The following SLCO1B1 variants were observed in gnomAD, a reference collection of about 807,000 sequenced individuals.
SLCO1B1 encodes the protein solute carrier organic anion transporter family member 1B1, also known as OATP-2.
In SLCO1B1, 81 loss-of-function variants were observed where a neutral mutation model predicts 70.1. That is an observed-to-expected ratio of 1.16 (90% CI 0.97 to 1.39). The LOEUF (loss-of-function observed/expected upper bound fraction) is 1.39. Ranked by LOEUF, SLCO1B1 falls within the 40% of genes most tolerant of loss-of-function variation. The probability of loss-of-function intolerance (pLI) is 0.00; values close to 1 mark genes in which losing one functional copy is unlikely to be tolerated. For synonymous variants in SLCO1B1, 283 were observed against 271.5 expected (o/e 1.04, Z -0.42); for missense variants, 895 against 799.6 (o/e 1.12, Z -1.44).
At chr12:21,215,381 T>C (rs978914626) in intron 11 of SLCO1B1, among the ~76,000 whole-genome samples, 1 of 152,238 alleles carries the variant, frequency 6.6e-6, no homozygotes, top group Non-Finnish European at 1.5e-5. Flanking sequence ...AAGAACTTTA[T>C]CATAAAAGGA....
At chr12:21,216,392 G>T (rs4149069) in intron 11 of SLCO1B1, among the ~76,000 whole-genome samples, 7 of 151,812 alleles carry the variant, frequency 4.6e-5, no homozygotes, top group Admixed American at 2.6e-4. Context: ...TCAACGTGAG[G>T]TTCCCTTAAA....
chr12:21,164,448 A>G (rs1940660388), intron 2 of SLCO1B1, among the ~76,000 whole-genome samples: 1 of 152,032 alleles, frequency 6.6e-6, no homozygotes, highest in South Asian at 2.1e-4. Context: ...GTGTGTCTGT[A>G]AGCTTGTTAT....
intron 2 of SLCO1B1, among the ~76,000 whole-genome samples, chr12:21,155,424 T>G (rs920350218): frequency 6.6e-6 from 1 of 152,146 alleles, no homozygotes; most frequent in Non-Finnish European, 1.5e-5. Context: ...TTTGCTAATA[T>G]TCTTTTCTTA....
At chr12:21,222,776 A>G (rs1446887676) in intron 13 of SLCO1B1, among the ~76,000 whole-genome samples, 1 of 152,126 alleles carries the variant, frequency 6.6e-6, no homozygotes, top group African/African-American at 2.4e-5. Flanking sequence ...AAACTGTGGC[A>G]TGATTTAGGC....
chr12:21,226,631 C>A (rs11833223), intron 14 of SLCO1B1, among the ~76,000 whole-genome samples: 12,439 of 151,946 alleles, frequency 0.082, 779 homozygotes, highest in East Asian at 0.28. Context: ...ATGTTGGATA[C>A]ATGATGTTAT....
chr12:21,238,885 T>C, intron 14 of SLCO1B1, 94 bp from the exon 15 acceptor site: 2 of 685,658 alleles, frequency 2.9e-6, no homozygotes, highest in Non-Finnish European at 5.0e-6. Context: ...ATTTATAATT[T>C]TTTTTCTTTA....
intron 2 of SLCO1B1, among the ~76,000 whole-genome samples, chr12:21,147,363 T>G (rs1229762833): frequency 6.6e-6 from 1 of 152,160 alleles, no homozygotes. Flanking sequence ...GGTAAACACA[T>G]GCCATGGTGG....
chr12:21,166,777 A>G (rs534642802), intron 2 of SLCO1B1, among the ~76,000 whole-genome samples: 8 of 152,334 alleles, frequency 5.3e-5, no homozygotes, highest in South Asian at 2.1e-4. Context: ...AAGCATTTGT[A>G]GTCCTTGGTA....
chr12:21,198,637 GAATA>G (rs150169173), intron 8 of SLCO1B1, among the ~76,000 whole-genome samples: 2,526 of 152,030 alleles, frequency 0.017, 66 homozygotes, highest in African/African-American at 0.058. Flanking sequence ...GATAAAATAA[GAATA>G]TATAGTCAGA....
chr12:21,227,937 T>C (rs1941497995), intron 14 of SLCO1B1, among the ~76,000 whole-genome samples: 2 of 152,222 alleles, frequency 1.3e-5, no homozygotes, highest in South Asian at 4.1e-4. Context: ...TGGTATAGTA[T>C]CCAAATTTTT....
intron 14 of SLCO1B1, among the ~76,000 whole-genome samples, chr12:21,227,150 A>G (rs1245829178): frequency 6.6e-6 from 1 of 152,200 alleles, no homozygotes; most frequent in Non-Finnish European, 1.5e-5. Context: ...ATACATGTGT[A>G]TGGCAACATT....
chr12:21,238,994 C>G lies in SLCO1B1; in HGVS notation c.1881C>G (p.Gly627=), dbSNP rs1383884343. 1.3e-6 allele frequency: 2 copies of G among 1,572,374 alleles called. No homozygotes were observed. The highest frequency in any genetic ancestry group is 1.1e-5 in the South Asian group (1 of 88,964). Residue 627 remains glycine (G), a synonymous_variant, in exon 15 of 15, where the codon GGC becomes GGG. Transcript: ENST00000256958. ...ATTTCTACAGAAGGGTCTACTTGGG[C>G]TTGTCTTCAATGTTAAGAGTCTCAT... ...NSTSFSRVYL[G]LSSMLRVSSL...
At chr12:21,142,857 T>G (rs1201374234) in intron 2 of SLCO1B1, among the ~76,000 whole-genome samples, 2 of 152,048 alleles carry the variant, frequency 1.3e-5, no homozygotes, top group African/African-American at 4.8e-5. Context: ...TCCAGAGTGA[T>G]CCCTTATAGC....
intron 7 of SLCO1B1, among the ~76,000 whole-genome samples, chr12:21,188,397 T>C (rs1223295508): frequency 1.3e-5 from 2 of 152,184 alleles, no homozygotes; most frequent in Admixed American, 1.3e-4. Context: ...TTTCTCTAGC[T>C]TACTTTATAT....
At chr12:21,209,393 A>T (rs1287933658) in intron 11 of SLCO1B1, among the ~76,000 whole-genome samples, 1 of 151,986 alleles carries the variant, frequency 6.6e-6, no homozygotes, top group African/African-American at 2.4e-5. Flanking sequence ...TGAACTCATC[A>T]TTTTTTATGG....
At chr12:21,212,088 T>A (rs1195166142) in intron 11 of SLCO1B1, among the ~76,000 whole-genome samples, 1 of 145,464 alleles carries the variant, frequency 6.9e-6, no homozygotes, top group Non-Finnish European at 1.5e-5. Context: ...ATTTTAGTTA[T>A]TTCTTGCCTT....
intron 2 of SLCO1B1, among the ~76,000 whole-genome samples, chr12:21,163,158 A>G (rs1419237507): frequency 6.6e-6 from 1 of 152,134 alleles, no homozygotes; most frequent in African/African-American, 2.4e-5. Context: ...TTTTAATTAT[A>G]CTTATTTACT....
At position 21,197,029 on chromosome 12, in the gene SLCO1B1, A is replaced by T; in HGVS notation, c.811A>T (p.Ile271Phe). The T allele has an allele frequency of 6.2e-7, 1 of 1,613,678 alleles. No homozygotes were observed. Among genetic ancestry groups the T allele is most frequent in the Non-Finnish European group, 8.5e-7 (1 of 1,179,712 alleles). Residue 271 changes from isoleucine to phenylalanine, a missense_variant, in exon 8 of 15, where the codon ATT (isoleucine) becomes TTT (phenylalanine). By Grantham distance (21) the Ile-to-Phe change is conservative. Transcript: ENST00000256958. Reference protein sequence around the residue: ...NFLVSGLFSIISSIPFFFLPQ... With the variant: ...NFLVSGLFSIFSSIPFFFLPQ... ...CCTTGTGTCTGGACTATTCTCCATTATTTCTTCCATACCATTCTTTTTCTT... is the reference window on the plus strand; with the variant it reads ...CCTTGTGTCTGGACTATTCTCCATTTTTTCTTCCATACCATTCTTTTTCTT...
chr12:21,180,387 G>A (rs964055171), intron 7 of SLCO1B1, among the ~76,000 whole-genome samples: 2 of 152,042 alleles, frequency 1.3e-5, no homozygotes, highest in Non-Finnish European at 2.9e-5. Context: ...CTTTCCATTA[G>A]TCTCAAATTA....
Sources: allele counts gnomAD v4.1 joint callset (sites outside exome capture counted in the v4.1 genomes callset), GRCh38; gene constraint gnomAD v4.1.1; transcripts MANE v1.5; gene names NCBI Gene and HGNC (gene_info 2026-07-23, HGNC 2026-07-21).